CALY: variants seen among roughly 807,000 people sequenced by gnomAD.
The protein encoded by CALY is calcyon neuron specific vesicular protein.
In CALY, 15 loss-of-function variants were observed where a neutral mutation model predicts 20.2. The observed-to-expected ratio is 0.74, with a 90% CI of 0.50 to 1.14. CALY has a LOEUF of 1.14. Ranked by LOEUF, CALY falls within the 50% of genes most tolerant of loss-of-function variation. The probability of loss-of-function intolerance (pLI) is 0.00; values close to 1 mark genes in which losing one functional copy is unlikely to be tolerated. For missense variants in CALY, 270 were observed against 304.4 expected (o/e 0.89, Z 0.84); for synonymous variants, 129 against 131.8 (o/e 0.98, Z 0.15).
chr10:133,326,034 C>T lies in CALY; in HGVS notation c.447G>A (p.Gly149=), dbSNP rs1437320387. The part of the protein sequence containing the change: ...ERHRSILAAI[G]AYPLSRKHGT... Reference sequence around the variant, plus strand: ...CGTGCTTGCGGCTCAGCGGGTAGGCCCCGATGGCCGCCAGGATGCTGCGGT... The same window carrying T: ...CGTGCTTGCGGCTCAGCGGGTAGGCTCCGATGGCCGCCAGGATGCTGCGGT... The change falls in exon 5 of 6, where the codon GGG becomes GGA. Residue 149 remains glycine, a synonymous_variant. Coordinates refer to ENST00000252939, the MANE Select transcript of CALY (RefSeq NM_015722.4). 2.5e-6 allele frequency: 4 copies of T among 1,591,026 alleles called. No homozygotes were observed. In the African/African-American group the frequency reaches 4.0e-5, roughly 16 times the overall value.
At chr10:133,331,782 CTGTCATTTT>C (rs1406413405) in intron 1 of CALY, among the ~76,000 whole-genome samples, 1 of 152,158 alleles carries the variant, frequency 6.6e-6, no homozygotes, top group Non-Finnish European at 1.5e-5. Context: ...TTGACAAGCA[CTGTCATTTT>C]ATATGGAAGG....
intron 1 of CALY, among the ~76,000 whole-genome samples, chr10:133,336,404 C>T (rs1015997354): frequency 7.1e-6 from 1 of 141,004 alleles, no homozygotes; most frequent in Non-Finnish European, 1.5e-5. Context: ...CTCCTCGGTG[C>T]TCTGGTCCGA....
At chr10:133,327,372 C>T (rs1285156652) in intron 3 of CALY, 3 of 499,124 alleles carry the variant, frequency 6.0e-6, no homozygotes, top group Non-Finnish European at 7.1e-6. Flanking sequence ...TGACTGCCCA[C>T]AGTGGGTGCA....
intron 4 of CALY, 65 bp downstream of exon 4, chr10:133,326,813 C>G: frequency 1.8e-6 from 2 of 1,092,702 alleles, no homozygotes; most frequent in South Asian, 1.3e-5. Context: ...CCTGCCACCC[C>G]CTGCCTGGAG....
chr10:133,336,191 T>C lies in CALY; in HGVS notation c.-21+643A>G, dbSNP rs146364458. Among the ~76,000 whole-genome samples the C allele has an allele frequency of 1.5e-4, 23 of 152,246 alleles. No individual in the cohort carries two copies. The East Asian group carries it at 4.5e-3, about 29-fold the overall frequency. On this transcript the variant is annotated intron_variant, in intron 1 of 5. Coordinates refer to ENST00000252939, the MANE Select transcript of CALY (RefSeq NM_015722.4). ...CCCGCTTATTAAAAGGCAGCTGCACTGCGGGGTCGGCGCAGCCCCTCGGAG... is the reference window on the plus strand; with the variant it reads ...CCCGCTTATTAAAAGGCAGCTGCACCGCGGGGTCGGCGCAGCCCCTCGGAG...
In CALY at chr10:133,324,357, T is replaced by G; in HGVS notation, c.*1238A>C. ...ACAGGCTTCCTGGGCACTGCCGCTG[T>G]TCCAAAGCAGGCCAGTCCCACTGAG... On this transcript the variant is annotated 3_prime_UTR_variant, in exon 6 of 6. Transcript: ENST00000252939. The G allele has an allele frequency of 2.2e-6, 1 of 455,896 alleles. No individual in the cohort carries two copies. The highest frequency in any genetic ancestry group is 4.4e-6 in the Non-Finnish European group (1 of 226,862). The allele number at this position is 455,896 out of a possible 1,614,324, so 28.2% of individuals were successfully genotyped here. A position where few individuals can be genotyped will look rare whatever the true frequency, so the allele number is the denominator to read the frequency against.
rs1848178312 is a variant in CALY, at chr10:133,324,864, G to C, written c.*731C>G. ...CCTCACCATCTTTCATCTGGCTCCA[G>C]GGACACGGGAGACCCCAGCCCCCAG... On this transcript the variant is annotated 3_prime_UTR_variant, in exon 6 of 6. Coordinates refer to ENST00000252939, the MANE Select transcript of CALY (RefSeq NM_015722.4). 6.8e-6 allele frequency: 2 copies of C among 293,256 alleles called. No individual in the cohort carries two copies. Among genetic ancestry groups the C allele is most frequent in the Admixed American group, 9.8e-5 (2 of 20,438 alleles). The allele number at this position is 293,256 out of a possible 1,614,324, so 18.2% of individuals were successfully genotyped here. A position where few individuals can be genotyped will look rare whatever the true frequency, so the allele number is the denominator to read the frequency against.
Position 133,327,887 on chromosome 10 carries a change from T to G in CALY, c.246+18A>C. 6.6e-7 allele frequency: 1 copy of G among 1,516,598 alleles called. No individual in the cohort carries two copies. 93.9% of individuals were successfully genotyped at this position (1,516,598 alleles called of 1,614,324 possible). A position where few individuals can be genotyped will look rare whatever the true frequency, so the allele number is the denominator to read the frequency against. ...TCCTGTCCTGAGTCCCCACAGTGGG[T>G]GGGGTGGGTGTGGTTACCCTGCGCC... On this transcript the variant is annotated intron_variant, in intron 3 of 5. Transcript: ENST00000252939.
At chr10:133,336,756 C>G (rs1248871230) in intron 1 of CALY, 78 bp downstream of exon 1, 2 of 153,602 alleles carry the variant, frequency 1.3e-5, no homozygotes, top group African/African-American at 4.8e-5. Flanking sequence ...CGCACACACA[C>G]CCGCACACGC....
intron 3 of CALY, chr10:133,327,643 C>A: frequency 1.6e-6 from 1 of 609,092 alleles, no homozygotes; most frequent in South Asian, 1.9e-5. Context: ...GCAAGCAGCA[C>A]TCGCGGGCAC....
At chr10:133,330,004 C>T (rs1377688376) in intron 1 of CALY, among the ~76,000 whole-genome samples, 1 of 152,216 alleles carries the variant, frequency 6.6e-6, no homozygotes, top group Admixed American at 6.5e-5. Flanking sequence ...CACAGCAGGG[C>T]CCCGCGGGGC....
At chr10:133,327,781 C>T in intron 3 of CALY, 124 bp downstream of exon 3, 1 of 738,382 alleles carries the variant, frequency 1.4e-6, no homozygotes, top group Non-Finnish European at 2.5e-6. Context: ...CTCACTGCCA[C>T]CCTCTCCTCC....
chr10:133,329,746 TGCTGGAGACCCA>T, intron 1 of CALY, among the ~76,000 whole-genome samples: 1 of 152,332 alleles, frequency 6.6e-6, no homozygotes, highest in East Asian at 1.9e-4. Context: ...CACATAAAAA[TGCTGGAGACCCA>T]GCTAAATTTG....
At chr10:133,333,702 G>A (rs1241751524) in intron 1 of CALY, among the ~76,000 whole-genome samples, 1 of 127,466 alleles carries the variant, frequency 7.8e-6, no homozygotes, top group African/African-American at 2.9e-5. Flanking sequence ...GGGAAAGAAA[G>A]ATCTGAGAGT....
At chr10:133,327,094 G>C in intron 3 of CALY, 103 bp from the exon 4 acceptor site, 1 of 781,356 alleles carries the variant, frequency 1.3e-6, no homozygotes, top group Admixed American at 2.1e-5. Flanking sequence ...CCGCCCTCCA[G>C]TCTTGATGCC....
intron 3 of CALY, 116 bp downstream of exon 3, chr10:133,327,789 T>A (rs1848238451): frequency 1.3e-6 from 1 of 751,868 alleles, no homozygotes; most frequent in African/African-American, 1.7e-5. Context: ...CACCCTCTCC[T>A]CCCTGAGAGC....
intron 2 of CALY, among the ~76,000 whole-genome samples, chr10:133,328,430 G>T (rs1173779354): frequency 6.6e-6 from 1 of 152,190 alleles, no homozygotes. Context: ...GTCAAACTGG[G>T]CTGGGCTCAA....
chr10:133,331,556 T>C (rs1323632816), intron 1 of CALY, among the ~76,000 whole-genome samples: 1 of 152,032 alleles, frequency 6.6e-6, no homozygotes, highest in Admixed American at 6.6e-5. Context: ...GGAATAGGTG[T>C]AAAAAGAGCT....
At chr10:133,327,381 C>T in intron 3 of CALY, 1 of 485,144 alleles carries the variant, frequency 2.1e-6, no homozygotes, top group East Asian at 3.5e-5. Context: ...ACAGTGGGTG[C>T]ATGTGTGGTA....
Sources: gnomAD v4.1 joint callset for allele counts (sites outside exome capture counted in the v4.1 genomes callset) on GRCh38, gnomAD v4.1.1 for gene constraint, MANE v1.5 for transcripts, NCBI Gene and HGNC (gene_info 2026-07-23, HGNC 2026-07-21) for gene names.